KLF15: variants seen among roughly 807,000 people sequenced by gnomAD.
The protein encoded by KLF15 is Krueppel-like factor 15.
Under a neutral mutation model 24.6 loss-of-function variants are expected in KLF15, and 4 were observed. That is an observed-to-expected ratio of 0.16 (90% CI 0.08 to 0.37). The LOEUF is 0.37. Ranked by LOEUF, KLF15 falls within the 10% of genes least tolerant of loss-of-function variation. The probability of loss-of-function intolerance (pLI) is 1.00; values close to 1 mark genes in which losing one functional copy is unlikely to be tolerated. For synonymous variants in KLF15, 246 were observed against 236.3 expected (o/e 1.04, Z -0.37); for missense variants, 496 against 560.6 (o/e 0.88, Z 1.16).
chr3:126,289,329 G>T, the KLF15 span, among the ~76,000 whole-genome samples: 1 of 152,222 alleles, frequency 6.6e-6, no homozygotes, highest in Non-Finnish European at 1.5e-5. Context: ...TGACAGATTT[G>T]AATATTGCAA....
At chr3:126,299,246 T>G in the KLF15 span, among the ~76,000 whole-genome samples, 1 of 129,818 alleles carries the variant, frequency 7.7e-6, no homozygotes, top group Non-Finnish European at 1.7e-5. Context: ...ATTTGTTTAT[T>G]TATTTATTTT....
At chr3:126,321,897 A>G in the KLF15 span, among the ~76,000 whole-genome samples, 3 of 152,228 alleles carry the variant, frequency 2.0e-5, no homozygotes, top group Non-Finnish European at 4.4e-5. Flanking sequence ...AGAGTTTTAC[A>G]GAAGTCAGAT....
At chr3:126,311,854 C>G in the KLF15 span, among the ~76,000 whole-genome samples, 1 of 152,346 alleles carries the variant, frequency 6.6e-6, no homozygotes, top group East Asian at 1.9e-4. Flanking sequence ...CCTGCCCCAG[C>G]CCTGCTGCTA....
chr3:126,324,726 G>T, the KLF15 span, among the ~76,000 whole-genome samples: 1 of 133,498 alleles, frequency 7.5e-6, no homozygotes. Context: ...AGCATATCAT[G>T]TCCATCTGTC....
the KLF15 span, among the ~76,000 whole-genome samples, chr3:126,309,602 C>A: frequency 6.6e-6 from 1 of 152,190 alleles, no homozygotes; most frequent in Non-Finnish European, 1.5e-5. Flanking sequence ...TTGAGAGGGC[C>A]TACAAGAAAC....
the KLF15 span, among the ~76,000 whole-genome samples, chr3:126,294,240 C>T: frequency 6.6e-6 from 1 of 152,176 alleles, no homozygotes; most frequent in Non-Finnish European, 1.5e-5. Flanking sequence ...ACTTTGATCT[C>T]TTGGTTAGGG....
At chr3:126,323,537 T>TG in the KLF15 span, among the ~76,000 whole-genome samples, 1 of 131,466 alleles carries the variant, frequency 7.6e-6, no homozygotes, top group Non-Finnish European at 1.6e-5. Flanking sequence ...AATATGTATG[T>TG]TAATTTTACT....
downstream of KLF15, among the ~76,000 whole-genome samples, chr3:126,339,715 G>GA (rs2082465313): frequency 6.6e-6 from 1 of 152,064 alleles, no homozygotes; most frequent in Non-Finnish European, 1.5e-5. Context: ...AAAACACAAG[G>GA]AAAATGACAA....
At chr3:126,294,822 A>C in the KLF15 span, among the ~76,000 whole-genome samples, 1 of 150,936 alleles carries the variant, frequency 6.6e-6, no homozygotes, top group African/African-American at 2.4e-5. Flanking sequence ...GAGCCTCTCT[A>C]CTTCTAAAGC....
chr3:126,350,364 T>A (rs748433386), intron 2 of KLF15, among the ~76,000 whole-genome samples: 1 of 152,154 alleles, frequency 6.6e-6, no homozygotes, highest in Non-Finnish European at 1.5e-5. Context: ...CACAGAAGCC[T>A]CTCCGGTCTG....
At chr3:126,302,687 TTGTC>T in the KLF15 span, among the ~76,000 whole-genome samples, 3 of 152,194 alleles carry the variant, frequency 2.0e-5, no homozygotes, top group Admixed American at 2.0e-4. Context: ...GAAATTTACT[TTGTC>T]TGATATTGAT....
the KLF15 span, among the ~76,000 whole-genome samples, chr3:126,316,718 C>A: frequency 1.6e-4 from 21 of 130,414 alleles, no homozygotes; most frequent in Non-Finnish European, 2.5e-4. Flanking sequence ...AGGGAATGCA[C>A]GGGCCGGAGT....
At chr3:126,320,733 C>A in the KLF15 span, among the ~76,000 whole-genome samples, 3 of 152,072 alleles carry the variant, frequency 2.0e-5, no homozygotes, top group Non-Finnish European at 2.9e-5. Flanking sequence ...TTGGGGGAAG[C>A]CAGAGCTGCC....
chr3:126,308,679 G>A, the KLF15 span, among the ~76,000 whole-genome samples: 1 of 152,202 alleles, frequency 6.6e-6, no homozygotes, highest in African/African-American at 2.4e-5. Flanking sequence ...CTCTCTCCCG[G>A]GGAGTGGAGT....
Position 126,342,697 on chromosome 3 carries a change from A to G in KLF15, c.*1030T>C, listed in dbSNP as rs2082488580. On this transcript the variant is annotated 3_prime_UTR_variant, in exon 3 of 3. Coordinates refer to ENST00000296233, the MANE Select transcript of KLF15 (RefSeq NM_014079.4). ...ATTTTTATGAAGGACCAAAGAAAAT[A>G]TACGTAATTGTAACATATGTACACC... is the stretch of plus-strand genomic sequence containing the variant. 6.6e-6 allele frequency: 1 copy of G among 152,628 alleles called. No individual in the cohort carries two copies. Among genetic ancestry groups the G allele is most frequent in the Non-Finnish European group, 1.5e-5 (1 of 68,032 alleles). 9.5% of individuals were successfully genotyped at this position (152,628 alleles called of 1,614,324 possible).
chr3:126,295,210 T>A, the KLF15 span, among the ~76,000 whole-genome samples: 1 of 152,216 alleles, frequency 6.6e-6, no homozygotes, highest in Non-Finnish European at 1.5e-5. Flanking sequence ...TGTCAGATCA[T>A]TGTTTTTAAA....
the KLF15 span, among the ~76,000 whole-genome samples, chr3:126,310,637 T>G: frequency 6.6e-6 from 1 of 152,074 alleles, no homozygotes; most frequent in Non-Finnish European, 1.5e-5. Context: ...GCAGCCTCTC[T>G]CCTTGGTTTG....
the KLF15 span, among the ~76,000 whole-genome samples, chr3:126,303,800 A>G: frequency 6.6e-6 from 1 of 151,210 alleles, no homozygotes; most frequent in Non-Finnish European, 1.5e-5. Flanking sequence ...CCTCTGATGT[A>G]CTGTTTATTT....
chr3:126,343,566 G>C lies in KLF15; in HGVS notation c.*161C>G. 1 of 683,734 alleles carries C rather than the reference G, an allele frequency of 1.5e-6. No individual in the cohort carries two copies. Among genetic ancestry groups the C allele is most frequent in the Non-Finnish European group, 2.4e-6 (1 of 414,434 alleles). 42.4% of individuals were successfully genotyped at this position (683,734 alleles called of 1,614,324 possible). A position where few individuals can be genotyped will look rare whatever the true frequency, so the allele number is the denominator to read the frequency against. ...CGAGGCTCTAAGTACTCCCGAGAAAGGCAGCGGTTGGCGGGCCCTGGGTTC... is the reference window on the plus strand; with the variant it reads ...CGAGGCTCTAAGTACTCCCGAGAAACGCAGCGGTTGGCGGGCCCTGGGTTC... On this transcript the variant is annotated 3_prime_UTR_variant, in exon 3 of 3. Coordinates refer to ENST00000296233, the MANE Select transcript of KLF15 (RefSeq NM_014079.4).
Sources: gnomAD v4.1 joint callset for allele counts (sites outside exome capture counted in the v4.1 genomes callset) on GRCh38, gnomAD v4.1.1 for gene constraint, MANE v1.5 for transcripts, NCBI Gene and HGNC (gene_info 2026-07-23, HGNC 2026-07-21) for gene names.